Variants in PDE1C observed in about 807,000 individuals in gnomAD.
PDE1C encodes dual specificity calcium/calmodulin-dependent 3',5'-cyclic nucleotide phosphodiesterase 1C.
In PDE1C, 62 loss-of-function variants were observed where a neutral mutation model predicts 93.1. The ratio of observed to expected loss-of-function variants is 0.67; its 90% CI spans 0.54 to 0.82. The LOEUF (loss-of-function observed/expected upper bound fraction) is 0.82. PDE1C is among the 40% of genes least tolerant of loss of function. The pLI, the probability that PDE1C is intolerant of heterozygous loss-of-function variation, is 0.00. For synonymous variants in PDE1C, 325 were observed against 310.1 expected (o/e 1.05, Z -0.50); for missense variants, 742 against 884.6 (o/e 0.84, Z 2.04).
chr7:31,781,473 C>T (rs1441515332), intron 16 of PDE1C, among the ~76,000 whole-genome samples: 1 of 152,128 alleles, frequency 6.6e-6, no homozygotes, highest in East Asian at 1.9e-4. Flanking sequence ...CTTTCTGATA[C>T]CCACAGACCT....
At chr7:31,694,955 C>T in the PDE1C span, among the ~76,000 whole-genome samples, 1 of 152,078 alleles carries the variant, frequency 6.6e-6, no homozygotes, top group Admixed American at 6.6e-5. Context: ...AAGACAAATA[C>T]AAAACCCAAG....
At chr7:31,780,700 G>C (rs954442171) in intron 16 of PDE1C, among the ~76,000 whole-genome samples, 1 of 152,150 alleles carries the variant, frequency 6.6e-6, no homozygotes, top group African/African-American at 2.4e-5. Context: ...GTACACACAT[G>C]ACAGTGCTTA....
chr7:32,199,282 G>C (rs1192806866), intron 2 of PDE1C, among the ~76,000 whole-genome samples: 1 of 151,758 alleles, frequency 6.6e-6, no homozygotes, highest in Middle Eastern at 3.2e-3. Context: ...TTATTTTCCT[G>C]ATTGAAACTG....
Position 31,751,610 on chromosome 7 carries a change from A to G in PDE1C, c.*1774T>C, listed in dbSNP as rs1397802473. On this transcript the variant is annotated 3_prime_UTR_variant, in exon 18 of 18. Transcript: ENST00000396191. Reference sequence around the variant, plus strand: ...TTAACCTAATCCAGGTGGAACAGACACTACCAGCCTGCAGAAGGGCCTTCT... The same window carrying G: ...TTAACCTAATCCAGGTGGAACAGACGCTACCAGCCTGCAGAAGGGCCTTCT... The G allele has an allele frequency of 6.6e-6, 1 of 152,244 alleles. No homozygotes were observed. Among genetic ancestry groups the G allele is most frequent in the Non-Finnish European group, 1.5e-5 (1 of 68,050 alleles). 9.4% of individuals were successfully genotyped at this position (152,244 alleles called of 1,614,324 possible). A position where few individuals can be genotyped will look rare whatever the true frequency, so the allele number is the denominator to read the frequency against.
the PDE1C span, among the ~76,000 whole-genome samples, chr7:31,742,652 G>GA: frequency 6.6e-6 from 1 of 152,136 alleles, no homozygotes; most frequent in Non-Finnish European, 1.5e-5. Context: ...TTAATTCACG[G>GA]AACCCACCTA....
At position 32,209,498 on chromosome 7, in the gene PDE1C, G is replaced by A. The variant is rs144714011; in HGVS notation, c.127C>T (p.Arg43Cys). 1.4e-4 allele frequency: 215 copies of A among 1,572,120 alleles called. 1 individual carries two copies. In the African/African-American group the frequency reaches 2.3e-3, roughly 17 times the overall value. The change falls in exon 2 of 19, where the codon CGC becomes TGC. Residue 43 changes from arginine to cysteine, a missense_variant. Arg to Cys is a radical substitution (Grantham distance 180). Transcript: ENST00000396193. ...AACAAGATTTACTCACGAGAGAAGCGGGCCAGTGGTCTGGCATTCTTGTCT... is the reference window on the plus strand; with the variant it reads ...AACAAGATTTACTCACGAGAGAAGCAGGCCAGTGGTCTGGCATTCTTGTCT...
intron 2 of PDE1C, among the ~76,000 whole-genome samples, chr7:31,967,164 TC>T (rs1421481889): frequency 1.3e-5 from 2 of 152,048 alleles, no homozygotes; most frequent in Non-Finnish European, 2.9e-5. Flanking sequence ...AATCAATGAA[TC>T]CAGGAGCTGC....
intron 3 of PDE1C, among the ~76,000 whole-genome samples, chr7:32,105,290 A>T (rs958840684): frequency 2.6e-5 from 4 of 152,178 alleles, no homozygotes; most frequent in African/African-American, 9.7e-5. Flanking sequence ...AATAGCAAAA[A>T]TATTTAGGAA....
intron 1 of PDE1C, among the ~76,000 whole-genome samples, chr7:32,387,604 G>C (rs1475582047): frequency 6.7e-6 from 1 of 148,808 alleles, no homozygotes; most frequent in East Asian, 2.0e-4. Flanking sequence ...TCACCTCCCG[G>C]ATGGGGCGGC....
intron 11 of PDE1C, among the ~76,000 whole-genome samples, chr7:31,836,149 A>G (rs1791069863): frequency 6.6e-6 from 1 of 152,310 alleles, no homozygotes; most frequent in African/African-American, 2.4e-5. Context: ...CATGTCTTCA[A>G]TCTCAGGCCC....
intron 2 of PDE1C, among the ~76,000 whole-genome samples, chr7:31,940,571 C>A (rs1348903497): frequency 6.6e-6 from 1 of 152,070 alleles, no homozygotes. Context: ...GTAAAAGGGA[C>A]AAAGGAGTCT....
intron 3 of PDE1C, among the ~76,000 whole-genome samples, chr7:32,085,283 C>T (rs1445738369): frequency 1.5e-5 from 2 of 130,378 alleles, no homozygotes; most frequent in Admixed American, 7.7e-5. Flanking sequence ...GACACATACA[C>T]CCTCCCAAGA....
At chr7:31,678,084 G>T in the PDE1C span, among the ~76,000 whole-genome samples, 2 of 152,120 alleles carry the variant, frequency 1.3e-5, no homozygotes, top group Middle Eastern at 3.4e-3. Context: ...ATGTTCTAAC[G>T]CTCTACGAGT....
At chr7:32,125,228 G>C (rs1799511124) in intron 3 of PDE1C, among the ~76,000 whole-genome samples, 2 of 152,184 alleles carry the variant, frequency 1.3e-5, no homozygotes, top group South Asian at 4.1e-4. Context: ...ATAGATGCTG[G>C]TGAGGCTATG....
At chr7:32,095,086 T>A (rs1186824480) in intron 3 of PDE1C, among the ~76,000 whole-genome samples, 2 of 152,188 alleles carry the variant, frequency 1.3e-5, no homozygotes, top group Non-Finnish European at 2.9e-5. Context: ...ATAAATCAAC[T>A]CCTTGAAGGC....
chr7:31,831,498 G>A (rs201320274), intron 11 of PDE1C, among the ~76,000 whole-genome samples: 3 of 149,078 alleles, frequency 2.0e-5, no homozygotes, highest in Admixed American at 1.3e-4. Context: ...ACACATGCAC[G>A]CACACACACA....
intron 2 of PDE1C, among the ~76,000 whole-genome samples, chr7:31,991,557 C>T (rs1302810310): frequency 6.6e-6 from 1 of 151,916 alleles, no homozygotes; most frequent in Non-Finnish European, 1.5e-5. Context: ...TGAAGTAAAA[C>T]AGCATATGCA....
intron 2 of PDE1C, among the ~76,000 whole-genome samples, chr7:31,985,981 T>G (rs760346803): frequency 7.2e-5 from 11 of 152,132 alleles, no homozygotes; most frequent in Non-Finnish European, 1.5e-4. Context: ...CCCCTCACAG[T>G]TAGGGTGAAG....
the PDE1C span, among the ~76,000 whole-genome samples, chr7:31,660,424 A>G: frequency 6.6e-6 from 1 of 152,308 alleles, no homozygotes; most frequent in Admixed American, 6.5e-5. Flanking sequence ...GATACATAAT[A>G]GAAATTTCTT....
Sources: allele counts gnomAD v4.1 joint callset (sites outside exome capture counted in the v4.1 genomes callset), GRCh38; gene constraint gnomAD v4.1.1; transcripts MANE v1.5; gene names NCBI Gene and HGNC (gene_info 2026-07-23, HGNC 2026-07-21).